The following UGT3A1 variants were observed in gnomAD, a reference collection of about 807,000 sequenced individuals.
UGT3A1 encodes the protein UDP-glycosyltransferase 3A1.
UGT3A1 carries 40 observed loss-of-function variants against 37.6 expected under a neutral mutation model. The ratio of observed to expected loss-of-function variants is 1.06; its 90% CI spans 0.83 to 1.38. The LOEUF (loss-of-function observed/expected upper bound fraction) is 1.38, where lower values mean the gene tolerates loss of function less well. UGT3A1 is among the 40% of genes most tolerant of loss of function. UGT3A1 has a pLI of 0.00. For missense variants in UGT3A1, 642 were observed against 634.2 expected (o/e 1.01, Z -0.13); for synonymous variants, 256 against 232.3 (o/e 1.10, Z -0.93).
intron 4 of UGT3A1, 137 bp downstream of exon 4, chr5:35,965,249 C>T: frequency 7.4e-7 from 1 of 1,351,340 alleles, no homozygotes; most frequent in Middle Eastern, 2.7e-4. Flanking sequence ...TCAGCACTTC[C>T]TTTAAGAACG....
At chr5:35,980,645 T>G (rs1157860838) in intron 2 of UGT3A1, among the ~76,000 whole-genome samples, 1 of 152,168 alleles carries the variant, frequency 6.6e-6, no homozygotes, top group Non-Finnish European at 1.5e-5. Context: ...ACTCTTGATA[T>G]TTAGTAAAGA....
upstream of UGT3A1, among the ~76,000 whole-genome samples, chr5:35,996,247 T>A (rs966367637): frequency 5.9e-5 from 9 of 152,112 alleles, no homozygotes; most frequent in Non-Finnish European, 1.2e-4. Flanking sequence ...TCAGGAAGAC[T>A]AGGGATGCTC....
At chr5:35,960,584 A>G (rs1371246495) in intron 4 of UGT3A1, among the ~76,000 whole-genome samples, 1 of 152,152 alleles carries the variant, frequency 6.6e-6, no homozygotes, top group Non-Finnish European at 1.5e-5. Context: ...AGCAGTATAT[A>G]AGGGTGGGTG....
At chr5:35,955,476 G>C in intron 6 of UGT3A1, 169 bp downstream of exon 6, 1 of 747,214 alleles carries the variant, frequency 1.3e-6, no homozygotes, top group Non-Finnish European at 2.2e-6. Flanking sequence ...ACCTAAATTA[G>C]TCTTCCTAGA....
chr5:35,965,793 C>A lies in UGT3A1; in HGVS notation c.436G>T (p.Ala146Ser), dbSNP rs752166325. 1 of 1,614,186 alleles carries A rather than the reference C, an allele frequency of 6.2e-7. No homozygotes were observed. The highest frequency in any genetic ancestry group is 1.1e-5 in the South Asian group (1 of 91,088). ...ATCAGGAAAGAACAGAAATCAAATGCTTCAACAAATACCAGATCATAGTTC... is the reference window on the plus strand; with the variant it reads ...ATCAGGAAAGAACAGAAATCAAATGATTCAACAAATACCAGATCATAGTTC... ...NENYDLVFVE[A>S]FDFCSFLIAE... The change falls in exon 4 of 7, where the codon GCA (alanine) becomes TCA (serine). Residue 146 changes from alanine (A) to serine (S), a missense_variant. Physicochemically the swap from Ala to Ser is moderately conservative, Grantham distance 99 (BLOSUM62 1). Coordinates refer to ENST00000274278, the MANE Select transcript of UGT3A1 (RefSeq NM_152404.4).
At chr5:35,970,390 CA>C (rs56062143) in intron 2 of UGT3A1, among the ~76,000 whole-genome samples, 52,063 of 131,630 alleles carry the variant, frequency 0.4, 9,475 homozygotes, top group African/African-American at 0.45. Context: ...GACTCCATCT[CA>C]AAAAAAAAAA....
At position 35,951,127 on chromosome 5, in the gene UGT3A1, G is replaced by GA. The variant is rs1739193689; in HGVS notation, c.*3074dup. On this transcript the variant is annotated 3_prime_UTR_variant, in exon 7 of 7. Transcript: ENST00000274278. ...TACAGTATAGTTACATTTTCATTTG[G>GA]AAAAAATTGATTTCATTTGTTTCCG... The GA allele has an allele frequency of 6.6e-6, 1 of 151,864 alleles. No homozygotes were observed. Among genetic ancestry groups the GA allele is most frequent in the African/African-American group, 2.4e-5 (1 of 41,368 alleles). The allele number at this position is 151,864 out of a possible 1,614,324, so 9.4% of individuals were successfully genotyped here.
chr5:35,974,905 C>G (rs150751397), intron 2 of UGT3A1, among the ~76,000 whole-genome samples: 1 of 152,166 alleles, frequency 6.6e-6, no homozygotes, highest in Admixed American at 6.5e-5. Context: ...TTGTCCGTTG[C>G]GTTGCCTATG....
chr5:35,987,526 G>A (rs147307015), intron 2 of UGT3A1, among the ~76,000 whole-genome samples: 161 of 152,228 alleles, frequency 1.1e-3, no homozygotes, highest in Non-Finnish European at 1.6e-3. Context: ...TATTACTGCT[G>A]AGAAATCAGA....
At chr5:35,989,046 A>G (rs1740837434) in intron 1 of UGT3A1, among the ~76,000 whole-genome samples, 2 of 152,244 alleles carry the variant, frequency 1.3e-5, no homozygotes, top group Non-Finnish European at 2.9e-5. Context: ...TGTAGGAGAC[A>G]GAAATACAGA....
intron 2 of UGT3A1, among the ~76,000 whole-genome samples, chr5:35,972,494 CGTGTGTGTGT>C (rs4024103): frequency 0.018 from 2,576 of 141,438 alleles, 87 homozygotes; most frequent in African/African-American, 0.065. Flanking sequence ...CCTTGAAATA[CGTGTGTGTGT>C]GTGTGTGTGT....
At chr5:36,000,077 G>A (rs1461111842) in intron 1 of UGT3A1, among the ~76,000 whole-genome samples, 3 of 152,130 alleles carry the variant, frequency 2.0e-5, no homozygotes, top group Non-Finnish European at 4.4e-5. Context: ...CTCAGGCCTG[G>A]TGGAGAGGCC....
At chr5:35,998,008 T>G (rs568228312) in intron 1 of UGT3A1, among the ~76,000 whole-genome samples, 1 of 152,140 alleles carries the variant, frequency 6.6e-6, no homozygotes, top group Non-Finnish European at 1.5e-5. Context: ...ACTTAGAGGA[T>G]TTTGGGGCCT....
At chr5:35,978,501 C>G (rs1435105837) in intron 2 of UGT3A1, among the ~76,000 whole-genome samples, 1 of 152,128 alleles carries the variant, frequency 6.6e-6, no homozygotes, top group Admixed American at 6.5e-5. Context: ...AGAGATAGAG[C>G]TTGTGTAGGG....
intron 5 of UGT3A1, 78 bp from the exon 6 acceptor site, chr5:35,955,942 T>C: frequency 1.4e-6 from 2 of 1,402,126 alleles, no homozygotes; most frequent in Non-Finnish European, 2.0e-6. Flanking sequence ...AAAAGTCAGA[T>C]GAAACACCAA....
intron 2 of UGT3A1, among the ~76,000 whole-genome samples, chr5:35,970,207 G>A (rs937707450): frequency 9.2e-5 from 14 of 152,138 alleles, no homozygotes; most frequent in African/African-American, 3.1e-4. Context: ...TGGCTAATAC[G>A]GTGAAACCCC....
chr5:35,988,462 A>G lies in UGT3A1; in HGVS notation c.184T>C (p.Phe62Leu). ...TTAAAAAAGATACCTGGGATCAAAA[A>G]CTTTCCACTCTGATGAAGCATAGTC... The part of the protein sequence containing the change: ...NVTMLHQSGK[F>L]LIPDIKEEEK... Residue 62 changes from phenylalanine (F) to leucine (L), a missense_variant, in exon 2 of 7, where the codon TTT becomes CTT. By Grantham distance (22) the Phe-to-Leu change is conservative (BLOSUM62 0). Transcript: ENST00000274278. 2 of 1,602,014 alleles carry G rather than the reference A, an allele frequency of 1.2e-6. No individual in the cohort carries two copies. Among genetic ancestry groups the G allele is most frequent in the Non-Finnish European group, 8.5e-7 (1 of 1,176,092 alleles).
upstream of UGT3A1, chr5:35,991,754 C>A: frequency 3.6e-6 from 2 of 556,724 alleles, no homozygotes; most frequent in Non-Finnish European, 4.6e-6. Flanking sequence ...GCTGGTGTCC[C>A]AAGCTCAAGA....
chr5:35,999,282 G>A lies in UGT3A1; in HGVS notation c.-160+1686C>T, dbSNP rs979354840. 5.3e-5 allele frequency among the ~76,000 whole-genome samples: 8 copies of A among 151,268 alleles called. 1 individual carries two copies. Among genetic ancestry groups the A allele is most frequent in the East Asian group, 3.9e-4 (2 of 5,158 alleles). The stretch of plus-strand genomic sequence containing the variant: ...ACAATAAGTGTCAGAGCTGTTAGGA[G>A]TTATTCTAAAACCAAAACGTTTGGC... On this transcript the variant is annotated intron_variant, in intron 1 of 5. Coordinates refer to the UGT3A1 transcript ENST00000625798.
Sources: gnomAD v4.1 joint callset for allele counts (sites outside exome capture counted in the v4.1 genomes callset) on GRCh38, gnomAD v4.1.1 for gene constraint, MANE v1.5 for transcripts, NCBI Gene and HGNC (gene_info 2026-07-23, HGNC 2026-07-21) for gene names.